The following GLRA2 variants were observed in gnomAD, a reference collection of about 807,000 sequenced individuals.
GLRA2 encodes glycine receptor subunit alpha-2.
A neutral mutation model predicts 31.6 loss-of-function variants in GLRA2; 11 were observed. The ratio of observed to expected loss-of-function variants is 0.35; its 90% CI spans 0.22 to 0.58. GLRA2 has a LOEUF of 0.58. GLRA2 is among the 20% of genes least tolerant of loss of function. GLRA2 has a pLI of 0.84. For synonymous variants in GLRA2, 132 were observed against 134.0 expected, an observed-to-expected ratio of 0.99 and a Z score of 0.10; for missense variants, 212 against 351.8, an observed-to-expected ratio of 0.60 and a Z score of 3.18.
intron 7 of GLRA2, among the ~76,000 whole-genome samples, chrX:14,612,617 A>G (rs1235638373): frequency 9.0e-6 from 1 of 111,511 alleles, no homozygotes; most frequent in Non-Finnish European, 1.9e-5. Context: ...AATGTGGTAC[A>G]TATACACCAT....
At chrX:14,635,096 T>C (rs930587892) in intron 7 of GLRA2, among the ~76,000 whole-genome samples, 3 of 111,273 alleles carry the variant, frequency 2.7e-5, no homozygotes, top group African/African-American at 9.8e-5. Context: ...AGGAAATGAG[T>C]TAAAAGCTTA....
At chrX:14,722,787 C>T (rs1438828464) in intron 8 of GLRA2, among the ~76,000 whole-genome samples, 2 of 111,391 alleles carry the variant, frequency 1.8e-5, no homozygotes, top group Non-Finnish European at 3.8e-5. Flanking sequence ...TGTAGGGGAT[C>T]CCACCAGCTG....
At chrX:14,726,792 T>C (rs1265602616) in intron 8 of GLRA2, among the ~76,000 whole-genome samples, 1 of 112,524 alleles carries the variant, frequency 8.9e-6, no homozygotes, top group African/African-American at 3.2e-5. Context: ...CACGTGGACA[T>C]GTATATTTAA....
the GLRA2 span, among the ~76,000 whole-genome samples, chrX:14,460,857 C>T: frequency 2.7e-5 from 3 of 110,453 alleles, no homozygotes; most frequent in South Asian, 3.9e-4. Flanking sequence ...TCTCTATCTC[C>T]CTCAGTTCTG....
the GLRA2 span, among the ~76,000 whole-genome samples, chrX:14,483,092 A>G: frequency 1.8e-5 from 2 of 112,022 alleles, no homozygotes; most frequent in African/African-American, 3.2e-5. Flanking sequence ...CTCTTCCAAT[A>G]CGAATCATGA....
At chrX:14,686,111 G>T (rs1233363863) in intron 7 of GLRA2, among the ~76,000 whole-genome samples, 2 of 111,917 alleles carry the variant, frequency 1.8e-5, no homozygotes, top group Non-Finnish European at 3.8e-5. Flanking sequence ...TTTCCATGTA[G>T]TTGTGTAGTT....
intron 7 of GLRA2, among the ~76,000 whole-genome samples, chrX:14,622,187 C>A (rs749960111): frequency 8.9e-6 from 1 of 111,808 alleles, no homozygotes; most frequent in Admixed American, 9.5e-5. Context: ...TCATATCCTT[C>A]GCCCACTTGT....
At chrX:14,547,642 C>T (rs1350888565) in intron 2 of GLRA2, among the ~76,000 whole-genome samples, 1 of 111,569 alleles carries the variant, frequency 9.0e-6, no homozygotes, top group Non-Finnish European at 1.9e-5. Context: ...GTTCCAGCCT[C>T]GATGCCCCAT....
At chrX:14,459,792 T>A in the GLRA2 span, among the ~76,000 whole-genome samples, 7 of 111,822 alleles carry the variant, frequency 6.3e-5, no homozygotes, top group Admixed American at 1.9e-4. Flanking sequence ...GGGGTTTTCT[T>A]AATATACAAT....
intron 2 of GLRA2, among the ~76,000 whole-genome samples, chrX:14,560,329 A>G (rs1569495694): frequency 8.9e-6 from 1 of 112,023 alleles, no homozygotes; most frequent in Non-Finnish European, 1.9e-5. Context: ...AGAGAAAAAT[A>G]ATATCATTTC....
intron 8 of GLRA2, among the ~76,000 whole-genome samples, chrX:14,721,939 A>T (rs2091871897): frequency 9.0e-6 from 1 of 111,382 alleles, no homozygotes; most frequent in Admixed American, 9.6e-5. Flanking sequence ...ACTTTTCCCC[A>T]TCCTCCAGCT....
intron 8 of GLRA2, among the ~76,000 whole-genome samples, chrX:14,729,286 CAGA>C (rs978467976): frequency 5.4e-5 from 6 of 111,416 alleles, no homozygotes; most frequent in Non-Finnish European, 7.5e-5. Context: ...AATCTAGTTA[CAGA>C]AGAAGATAAT....
At chrX:14,504,317 GTC>G in the GLRA2 span, among the ~76,000 whole-genome samples, 2 of 112,157 alleles carry the variant, frequency 1.8e-5, no homozygotes, top group African/African-American at 6.5e-5. Flanking sequence ...GCCATTTTCT[GTC>G]TCTAATCACA....
chrX:14,601,914 A>C (rs2090279724), intron 4 of GLRA2, among the ~76,000 whole-genome samples: 1 of 111,673 alleles, frequency 9.0e-6, no homozygotes, highest in Non-Finnish European at 1.9e-5. Context: ...AAGGTGTTTG[A>C]GATACGATGA....
chrX:14,450,210 G>A, the GLRA2 span, among the ~76,000 whole-genome samples: 2 of 112,184 alleles, frequency 1.8e-5, no homozygotes, highest in South Asian at 3.8e-4. Flanking sequence ...CCCTGCTTGG[G>A]GATCCTCCAC....
chrX:14,469,484 G>A, the GLRA2 span, among the ~76,000 whole-genome samples: 2 of 107,969 alleles, frequency 1.9e-5, no homozygotes, highest in African/African-American at 3.4e-5. Context: ...AGAAAATGTG[G>A]CACATATACA....
chrX:14,521,801 G>A, the GLRA2 span, among the ~76,000 whole-genome samples: 1 of 112,199 alleles, frequency 8.9e-6, no homozygotes, highest in Non-Finnish European at 1.9e-5. Context: ...GTATTAAGGT[G>A]TGCAATATTA....
the GLRA2 span, among the ~76,000 whole-genome samples, chrX:14,510,114 G>A: frequency 9.0e-6 from 1 of 111,506 alleles, no homozygotes; most frequent in Non-Finnish European, 1.9e-5. Flanking sequence ...AAAAGTTTGT[G>A]GTTAAAATTA....
chrX:14,501,160 C>T, the GLRA2 span, among the ~76,000 whole-genome samples: 16 of 110,257 alleles, frequency 1.5e-4, no homozygotes, highest in African/African-American at 4.6e-4. Flanking sequence ...TTTGTTTCTG[C>T]GGAACCCACC....
Sources: allele counts gnomAD v4.1 joint callset (sites outside exome capture counted in the v4.1 genomes callset), GRCh38; gene constraint gnomAD v4.1.1; transcripts MANE v1.5; gene names NCBI Gene and HGNC (gene_info 2026-07-23, HGNC 2026-07-21).